Variants in RGS6 observed in about 807,000 individuals in gnomAD.
The protein encoded by RGS6 is regulator of G-protein signaling 6.
In RGS6, 30 loss-of-function variants were observed where a neutral mutation model predicts 78.5. The observed-to-expected ratio is 0.38, with a 90% CI of 0.29 to 0.52. The LOEUF (loss-of-function observed/expected upper bound fraction) is 0.52. Among genes scored for constraint, RGS6 ranks in the 20% least tolerant of loss-of-function variants. RGS6 has a pLI of 0.85. For synonymous variants in RGS6, 206 were observed against 206.0 expected, an observed-to-expected ratio of 1.00 and a Z score of 0.00; for missense variants, 495 against 609.7, an observed-to-expected ratio of 0.81 and a Z score of 1.98.
intron 2 of RGS6, among the ~76,000 whole-genome samples, chr14:72,282,352 A>G (rs1237523520): frequency 6.6e-6 from 1 of 152,190 alleles, no homozygotes; most frequent in Non-Finnish European, 1.5e-5. Flanking sequence ...AGTGTGCTAC[A>G]CTTTTCAGGT....
chr14:72,362,517 C>G (rs937385536), intron 3 of RGS6, among the ~76,000 whole-genome samples: 3 of 152,174 alleles, frequency 2.0e-5, no homozygotes, highest in African/African-American at 7.2e-5. Flanking sequence ...CTACAGTGGC[C>G]TCACTCATTT....
the RGS6 span, among the ~76,000 whole-genome samples, chr14:71,884,893 C>G: frequency 6.6e-6 from 1 of 152,144 alleles, no homozygotes; most frequent in Admixed American, 6.5e-5. Context: ...CTTTCGTTCC[C>G]TGTGGTATAA....
At chr14:72,227,279 G>A (rs748497087) in intron 2 of RGS6, among the ~76,000 whole-genome samples, 41 of 152,274 alleles carry the variant, frequency 2.7e-4, no homozygotes, top group Middle Eastern at 6.8e-3. Context: ...ATACTGTGCA[G>A]TTTTTTAAAA....
intron 2 of RGS6, among the ~76,000 whole-genome samples, chr14:71,985,881 C>A (rs991957468): frequency 3.3e-5 from 5 of 152,174 alleles, no homozygotes; most frequent in Non-Finnish European, 7.3e-5. Flanking sequence ...ACATTTCAAC[C>A]TCTTTCTACT....
At chr14:72,520,399 C>T (rs2097020485) in intron 15 of RGS6, among the ~76,000 whole-genome samples, 1 of 152,186 alleles carries the variant, frequency 6.6e-6, no homozygotes, top group Admixed American at 6.5e-5. Context: ...TTTTTATGGA[C>T]AAAACCACTT....
At chr14:72,184,670 G>C (rs561692593) in intron 2 of RGS6, among the ~76,000 whole-genome samples, 2 of 152,152 alleles carry the variant, frequency 1.3e-5, no homozygotes, top group East Asian at 3.9e-4. Context: ...TTATTCTTGT[G>C]TCTCTTATGG....
upstream of RGS6, among the ~76,000 whole-genome samples, chr14:71,928,485 T>C (rs1027314877): frequency 6.6e-6 from 1 of 152,166 alleles, no homozygotes; most frequent in Non-Finnish European, 1.5e-5. Context: ...CCAAAACTCA[T>C]TATCCTCCCC....
chr14:72,146,565 G>A (rs975907457), intron 2 of RGS6, among the ~76,000 whole-genome samples: 2 of 152,114 alleles, frequency 1.3e-5, no homozygotes, highest in African/African-American at 4.8e-5. Flanking sequence ...TGATACAATG[G>A]TGAGACAGGC....
intron 3 of RGS6, among the ~76,000 whole-genome samples, chr14:72,427,265 CTTA>C (rs1169251205): frequency 2.0e-5 from 3 of 152,240 alleles, no homozygotes; most frequent in Admixed American, 6.5e-5. Context: ...TGATTTTTCT[CTTA>C]TTAGTTGTTG....
chr14:72,074,096 C>T (rs1400524186), intron 2 of RGS6, among the ~76,000 whole-genome samples: 1 of 152,106 alleles, frequency 6.6e-6, no homozygotes, highest in Admixed American at 6.6e-5. Context: ...GAAATTAAAT[C>T]AAGATATTTG....
chr14:72,344,347 C>T (rs1365464237), intron 2 of RGS6, among the ~76,000 whole-genome samples: 4 of 152,200 alleles, frequency 2.6e-5, no homozygotes, highest in African/African-American at 7.2e-5. Flanking sequence ...AGGCACAGAA[C>T]GTTGGGGAAC....
chr14:72,618,766 G>A, the RGS6 span, among the ~76,000 whole-genome samples: 1 of 152,240 alleles, frequency 6.6e-6, no homozygotes, highest in East Asian at 1.9e-4. Flanking sequence ...GAACAAGAAA[G>A]GGTTTCAAGA....
intron 2 of RGS6, among the ~76,000 whole-genome samples, chr14:72,021,499 G>A (rs886632033): frequency 1.7e-5 from 2 of 117,716 alleles, no homozygotes; most frequent in African/African-American, 6.9e-5. Flanking sequence ...ATGGCGTTTC[G>A]CTCTTGTCAC....
intron 2 of RGS6, among the ~76,000 whole-genome samples, chr14:71,992,436 G>T (rs372735928): frequency 2.0e-5 from 3 of 149,686 alleles, no homozygotes; most frequent in African/African-American, 2.6e-5. Context: ...CTTACTCTGC[G>T]CTTGCAACAT....
At chr14:72,298,824 C>T (rs1453524393) in intron 2 of RGS6, among the ~76,000 whole-genome samples, 1 of 152,190 alleles carries the variant, frequency 6.6e-6, no homozygotes, top group East Asian at 1.9e-4. Context: ...GTTCTCTCCT[C>T]TGTTTCTCAG....
intron 2 of RGS6, among the ~76,000 whole-genome samples, chr14:72,195,963 A>G (rs988968877): frequency 6.6e-6 from 1 of 152,218 alleles, no homozygotes; most frequent in African/African-American, 2.4e-5. Flanking sequence ...AAAGTTTTTC[A>G]GCAGGAGAGT....
intron 2 of RGS6, among the ~76,000 whole-genome samples, chr14:71,987,728 C>G (rs76309583): frequency 0.13 from 20,477 of 151,932 alleles, 1,702 homozygotes; most frequent in East Asian, 0.21. Context: ...ACTGTGCTGC[C>G]CAGGCTGGGC....
At position 72,478,382 on chromosome 14, in the gene RGS6, A is replaced by C. The variant is rs1202859757; in HGVS notation, c.854+53A>C. 19 of 1,246,924 alleles carry C rather than the reference A, an allele frequency of 1.5e-5. No homozygotes were observed. The East Asian group carries it at 4.5e-4, about 30-fold the overall frequency. The allele number at this position is 1,246,924 out of a possible 1,614,324, so 77.2% of individuals were successfully genotyped here. On this transcript the variant is annotated intron_variant, in intron 12 of 17. Coordinates refer to ENST00000553525, the MANE Select transcript of RGS6 (RefSeq NM_001204424.2). ...CTTTCTTCTAATTTAACAGGGAAGA[A>C]ATGTTACAGGGTTATGGTTAACGAA...
intron 2 of RGS6, among the ~76,000 whole-genome samples, chr14:72,156,700 G>C (rs1011361405): frequency 2.5e-4 from 38 of 149,998 alleles, no homozygotes; most frequent in African/African-American, 8.8e-4. Context: ...TGCTATTTCA[G>C]CAGGAAACAA....
Sources: allele counts gnomAD v4.1 joint callset (sites outside exome capture counted in the v4.1 genomes callset), GRCh38; gene constraint gnomAD v4.1.1; transcripts MANE v1.5; gene names NCBI Gene and HGNC (gene_info 2026-07-23, HGNC 2026-07-21).